FAM169A: variants seen among roughly 807,000 people sequenced by gnomAD.
FAM169A encodes soluble lamin-associated protein of 75 kDa.
FAM169A carries 24 observed loss-of-function variants against 75.7 expected under a neutral mutation model. The observed-to-expected ratio is 0.32, with a 90% CI of 0.23 to 0.45. The LOEUF is 0.45. Among genes scored for constraint, FAM169A ranks in the 20% least tolerant of loss-of-function variants. The probability of loss-of-function intolerance (pLI) is 1.00; values close to 1 mark genes in which losing one functional copy is unlikely to be tolerated. For synonymous variants in FAM169A, 271 were observed against 271.0 expected, an observed-to-expected ratio of 1.00 and a Z score of 0.00; for missense variants, 673 against 784.0, an observed-to-expected ratio of 0.86 and a Z score of 1.69.
chr5:74,799,134 A>C (rs565664504), intron 10 of FAM169A: 1 of 1,014,052 alleles, frequency 9.9e-7, no homozygotes, highest in East Asian at 2.4e-5. Flanking sequence ...AAGCTCACGA[A>C]CTCAAGGAGC....
chr5:74,850,521 G>A (rs1749388543), intron 1 of FAM169A, among the ~76,000 whole-genome samples: 1 of 152,208 alleles, frequency 6.6e-6, no homozygotes, highest in Non-Finnish European at 1.5e-5. Flanking sequence ...AGGATTTTGA[G>A]AGTGTGTGAA....
At chr5:74,830,543 A>G (rs1159733098) in intron 5 of FAM169A, among the ~76,000 whole-genome samples, 1 of 152,252 alleles carries the variant, frequency 6.6e-6, no homozygotes, top group Non-Finnish European at 1.5e-5. Context: ...TATGAGAAAT[A>G]CAATGCAACG....
At chr5:74,835,167 G>A (rs1257340930) in intron 4 of FAM169A, among the ~76,000 whole-genome samples, 5 of 152,006 alleles carry the variant, frequency 3.3e-5, no homozygotes, top group South Asian at 2.1e-4. Flanking sequence ...CAACAAAGAC[G>A]GGGATACCAA....
intron 1 of FAM169A, among the ~76,000 whole-genome samples, chr5:74,845,555 A>G (rs1350066177): frequency 1.3e-5 from 2 of 152,192 alleles, no homozygotes; most frequent in South Asian, 2.1e-4. Flanking sequence ...AACTTGATGT[A>G]CATATGGTTG....
intron 11 of FAM169A, among the ~76,000 whole-genome samples, chr5:74,789,739 A>G (rs1056888345): frequency 6.6e-6 from 1 of 152,210 alleles, no homozygotes; most frequent in Admixed American, 6.5e-5. Context: ...TCTTCTTCAG[A>G]TAACTACTCT....
At chr5:74,828,999 T>C (rs1748177113) in intron 5 of FAM169A, among the ~76,000 whole-genome samples, 1 of 152,222 alleles carries the variant, frequency 6.6e-6, no homozygotes. Flanking sequence ...AGTACATGTA[T>C]GACTTATACA....
chr5:74,805,367 C>T, intron 6 of FAM169A, 83 bp from the exon 7 acceptor site: 1 of 1,354,366 alleles, frequency 7.4e-7, no homozygotes, highest in South Asian at 1.3e-5. Context: ...AGCTTCCCAA[C>T]TCACTTAACG....
At chr5:74,815,981 T>C (rs973971444) in intron 5 of FAM169A, among the ~76,000 whole-genome samples, 4 of 152,330 alleles carry the variant, frequency 2.6e-5, no homozygotes, top group Non-Finnish European at 4.4e-5. Context: ...CTCTGTGAAG[T>C]AGCCATTCTT....
At chr5:74,865,327 C>G (rs1221026586) in intron 1 of FAM169A, 1 of 152,166 alleles carries the variant, frequency 6.6e-6, no homozygotes, top group African/African-American at 2.4e-5. Context: ...AACCCGTACA[C>G]ACGTTTTAAT....
At chr5:74,849,244 A>T (rs2112704935) in intron 1 of FAM169A, among the ~76,000 whole-genome samples, 1 of 152,312 alleles carries the variant, frequency 6.6e-6, no homozygotes, top group Admixed American at 6.5e-5. Context: ...AAAATTATGT[A>T]TTTGACAGAA....
At chr5:74,790,354 G>A (rs1745910925) in intron 11 of FAM169A, among the ~76,000 whole-genome samples, 1 of 152,162 alleles carries the variant, frequency 6.6e-6, no homozygotes, top group Non-Finnish European at 1.5e-5. Flanking sequence ...CAGTGCACCT[G>A]GTTGTGCACG....
At chr5:74,820,196 G>A (rs1208250818) in intron 5 of FAM169A, among the ~76,000 whole-genome samples, 1 of 151,700 alleles carries the variant, frequency 6.6e-6, no homozygotes, top group African/African-American at 2.4e-5. Context: ...GGGTTTCACT[G>A]TGTTGGCCAG....
At chr5:74,814,636 A>C (rs572850309) in intron 5 of FAM169A, among the ~76,000 whole-genome samples, 1 of 152,290 alleles carries the variant, frequency 6.6e-6, no homozygotes, top group South Asian at 2.1e-4. Context: ...TACAATGCTA[A>C]ATACATTTTG....
Position 74,781,329 on chromosome 5 carries a change from ATAGT to A in FAM169A, c.*127_*130del. On this transcript the variant is annotated 3_prime_UTR_variant, in exon 13 of 13. Transcript: ENST00000687041. Reference sequence around the variant, plus strand: ...GTTCTAAAGGGAAGCAAAAAACTGCATAGTAAGTAAGTTCAAATTGAAATTTTGG... The same window carrying A: ...GTTCTAAAGGGAAGCAAAAAACTGCAAAGTAAGTTCAAATTGAAATTTTGG... 1 of 762,820 alleles carries A rather than the reference ATAGT, an allele frequency of 1.3e-6. No homozygotes were observed. Among genetic ancestry groups the A allele is most frequent in the Non-Finnish European group, 2.1e-6 (1 of 474,282 alleles). 47.3% of individuals were successfully genotyped at this position (762,820 alleles called of 1,614,324 possible).
At chr5:74,805,042 C>T in intron 7 of FAM169A, 114 bp downstream of exon 7, 1 of 853,536 alleles carries the variant, frequency 1.2e-6, no homozygotes, top group Non-Finnish European at 1.9e-6. Flanking sequence ...ACTCTGGACT[C>T]TAAGACACAA....
rs1745214626 is a variant in FAM169A at position 74,778,139 on chromosome 5, C to G, written c.*3321G>C. 1 of 151,856 alleles carries G rather than the reference C, an allele frequency of 6.6e-6. No individual in the cohort carries two copies. The highest frequency in any genetic ancestry group is 2.4e-5 in the African/African-American group (1 of 41,386). The allele number at this position is 151,856 out of a possible 1,614,324, so 9.4% of individuals were successfully genotyped here. ...CTTGTTTTTTTTAGAACCAAAAATA[C>G]TATCTTGTAAGGTACAAAGAAAGCT... On this transcript the variant is annotated 3_prime_UTR_variant, in exon 13 of 13. Transcript: ENST00000687041.
At chr5:74,798,017 G>A (rs1475675557) in intron 10 of FAM169A, among the ~76,000 whole-genome samples, 3 of 152,182 alleles carry the variant, frequency 2.0e-5, no homozygotes, top group African/African-American at 7.2e-5. Context: ...GGCCATAGTT[G>A]GTGGACCTTT....
chr5:74,840,014 T>C, intron 3 of FAM169A, 60 bp downstream of exon 3: 1 of 867,722 alleles, frequency 1.2e-6, no homozygotes, highest in Non-Finnish European at 1.8e-6. Context: ...ACCTTTTAAA[T>C]AAATTTCTAA....
chr5:74,805,587 G>A (rs1330492984), intron 6 of FAM169A, among the ~76,000 whole-genome samples: 1 of 135,684 alleles, frequency 7.4e-6, no homozygotes, highest in African/African-American at 2.9e-5. Context: ...CTGGAATGCA[G>A]TGGCGCGATC....
Sources: gnomAD v4.1 joint callset for allele counts (sites outside exome capture counted in the v4.1 genomes callset) on GRCh38, gnomAD v4.1.1 for gene constraint, MANE v1.5 for transcripts, NCBI Gene and HGNC (gene_info 2026-07-23, HGNC 2026-07-21) for gene names.